The following CLPB variants were observed in gnomAD, a reference collection of about 807,000 sequenced individuals.
CLPB encodes the protein mitochondrial disaggregase.
A neutral mutation model predicts 78.4 loss-of-function variants in CLPB; 40 were observed. That is an observed-to-expected ratio of 0.51 (90% confidence interval 0.40 to 0.66). CLPB has a LOEUF of 0.66. Ranked by LOEUF, CLPB falls within the 30% of genes least tolerant of loss-of-function variation. CLPB has a pLI of 0.00. For synonymous variants in CLPB, 333 were observed against 348.0 expected (o/e 0.96, Z 0.48); for missense variants, 780 against 886.9 (o/e 0.88, Z 1.53).
Position 72,294,454 on chromosome 11 carries a change from C to A in CLPB, c.1561-10G>T, listed in dbSNP as rs1261542627. On this transcript the variant is annotated splice_polypyrimidine_tract_variant and intron_variant, in intron 13 of 15. Transcript: ENST00000538039. ...CCCTCCGGAAGTGAGCCTGAAGGGC[C>A]AGGTTAGGGGTGGGATGAGCTCAGT... 12 of 1,614,022 alleles carry A rather than the reference C, an allele frequency of 7.4e-6. No homozygotes were observed. Among genetic ancestry groups the A allele is most frequent in the Non-Finnish European group, 1.0e-5 (12 of 1,179,968 alleles).
At chr11:72,372,551 G>A (rs1253772505) in intron 4 of CLPB, among the ~76,000 whole-genome samples, 2 of 152,166 alleles carry the variant, frequency 1.3e-5, no homozygotes, top group Non-Finnish European at 2.9e-5. Context: ...TTTTTAAGCA[G>A]TTCAAGCACA....
intron 3 of CLPB, among the ~76,000 whole-genome samples, chr11:72,381,986 C>T (rs993735677): frequency 7.2e-5 from 11 of 152,166 alleles, no homozygotes; most frequent in African/African-American, 2.7e-4. Context: ...CCCAGGCTGG[C>T]CCTCATTGCC....
chr11:72,368,175 G>C (rs768137946), intron 4 of CLPB, among the ~76,000 whole-genome samples: 1 of 152,148 alleles, frequency 6.6e-6, no homozygotes, highest in Non-Finnish European at 1.5e-5. Flanking sequence ...AGAGTCACAG[G>C]TGAGTCCTGA....
chr11:72,329,646 G>C (rs536160481), intron 6 of CLPB, 61 bp downstream of exon 6: 2 of 1,072,854 alleles, frequency 1.9e-6, no homozygotes, highest in Admixed American at 3.8e-5. Context: ...ATAATTTAAT[G>C]AGTGAAGGAT....
intron 2 of CLPB, among the ~76,000 whole-genome samples, chr11:72,422,288 A>C (rs914799587): frequency 1.3e-5 from 2 of 151,346 alleles, no homozygotes; most frequent in Non-Finnish European, 2.9e-5. Context: ...AAAAAAAAAA[A>C]AAACTAGGGA....
chr11:72,294,275 T>C (rs1949507738), intron 14 of CLPB, 50 bp downstream of exon 14: 1 of 1,613,832 alleles, frequency 6.2e-7, no homozygotes, highest in Admixed American at 1.7e-5. Context: ...GTGTTCCAGA[T>C]TTCCAGTGGC....
At chr11:72,329,675 C>T (rs1375123232) in intron 6 of CLPB, 32 bp downstream of exon 6, 7 of 1,441,828 alleles carry the variant, frequency 4.9e-6, no homozygotes, top group Non-Finnish European at 6.8e-6. Context: ...GCATGGAGTA[C>T]CCACAGGCCT....
At chr11:72,334,448 G>T (rs923772924) in intron 5 of CLPB, among the ~76,000 whole-genome samples, 12 of 152,336 alleles carry the variant, frequency 7.9e-5, no homozygotes, top group Admixed American at 2.0e-4. Context: ...CATGGATAGT[G>T]TCCATCTAAT....
In CLPB at chr11:72,434,337, C is replaced by A; in HGVS notation, c.138G>T (p.Gln46His). 1 of 1,612,202 alleles carries A rather than the reference C, an allele frequency of 6.2e-7. No individual in the cohort carries two copies. Among genetic ancestry groups the A allele is most frequent in the Non-Finnish European group, 8.5e-7 (1 of 1,179,666 alleles). Reference sequence around the variant, plus strand: ...GCCCCCCGGTGGCTACCCTCAGCCACTGCGGCTCCCCGAGACTCCCAGTAG... The same window carrying A: ...GCCCCCCGGTGGCTACCCTCAGCCAATGCGGCTCCCCGAGACTCCCAGTAG... ...NVTTGSLGEPQWLRVATGGRP... is the reference protein window; with the variant it reads ...NVTTGSLGEPHWLRVATGGRP... Residue 46 changes from glutamine (Q) to histidine (H), a missense_variant, in exon 1 of 16, where the codon CAG becomes CAT. Gln to His is a conservative substitution (Grantham distance 24). This residue lies in a region of CLPB where 417 missense variants were observed against 414.7 expected (regional missense o/e 1.01). Coordinates refer to ENST00000538039, the MANE Select transcript of CLPB (RefSeq NM_001258392.3).
At chr11:72,313,534 T>G (rs1395515521) in intron 7 of CLPB, among the ~76,000 whole-genome samples, 1 of 152,202 alleles carries the variant, frequency 6.6e-6, no homozygotes, top group Non-Finnish European at 1.5e-5. Context: ...AGAGCTGGTG[T>G]GCAGTAGCTC....
chr11:72,297,632 A>G (rs1197332520), intron 11 of CLPB, among the ~76,000 whole-genome samples: 1 of 114,852 alleles, frequency 8.7e-6, no homozygotes, highest in African/African-American at 3.1e-5. Context: ...AGTTTTGGGG[A>G]CCAGGTGTGT....
At chr11:72,409,129 TAG>T (rs955748013) in intron 2 of CLPB, among the ~76,000 whole-genome samples, 4 of 152,182 alleles carry the variant, frequency 2.6e-5, no homozygotes, top group African/African-American at 9.7e-5. Context: ...GTCCAGGGGC[TAG>T]AGAGGCAGGG....
chr11:72,308,194 G>C (rs868384663), intron 8 of CLPB, among the ~76,000 whole-genome samples: 1 of 152,242 alleles, frequency 6.6e-6, no homozygotes, highest in Admixed American at 6.5e-5. Flanking sequence ...GGGCAGAGGA[G>C]GTGGTTCAAC....
At chr11:72,430,967 T>C (rs952330297) in intron 1 of CLPB, among the ~76,000 whole-genome samples, 2 of 152,006 alleles carry the variant, frequency 1.3e-5, no homozygotes, top group Admixed American at 6.6e-5. Flanking sequence ...CTGTAAAACA[T>C]AGACAAAACT....
intron 2 of CLPB, among the ~76,000 whole-genome samples, chr11:72,421,322 T>C (rs1856191357): frequency 6.6e-6 from 1 of 152,148 alleles, no homozygotes; most frequent in Admixed American, 6.5e-5. Context: ...TACTAAACTC[T>C]CTGCTCCTTA....
At chr11:72,419,180 T>C (rs545301233) in intron 2 of CLPB, among the ~76,000 whole-genome samples, 1 of 152,322 alleles carries the variant, frequency 6.6e-6, no homozygotes, top group South Asian at 2.1e-4. Flanking sequence ...TCCAGGAAAA[T>C]TCCTTGGGAG....
intron 5 of CLPB, among the ~76,000 whole-genome samples, chr11:72,341,593 C>A (rs1950421738): frequency 2.6e-5 from 4 of 152,084 alleles, no homozygotes; most frequent in Admixed American, 2.6e-4. Flanking sequence ...ATATTCCAGG[C>A]AAAGTGAATG....
intron 1 of CLPB, 86 bp downstream of exon 1, chr11:72,433,974 AAGGATCTAAACC>A (rs1379196738): frequency 4.2e-6 from 6 of 1,425,008 alleles, no homozygotes; most frequent in Non-Finnish European, 5.7e-6. Flanking sequence ...CTTAGGCTCT[AAGGATCTAAACC>A]TATAAGTACC....
At chr11:72,299,125 C>T (rs538722907) in intron 11 of CLPB, among the ~76,000 whole-genome samples, 11 of 152,304 alleles carry the variant, frequency 7.2e-5, no homozygotes, top group East Asian at 3.9e-4. Context: ...CCACTGTGTT[C>T]GCCGCCTTAG....
Sources: gnomAD v4.1 joint callset for allele counts (sites outside exome capture counted in the v4.1 genomes callset) on GRCh38, gnomAD v4.1.1 for gene constraint, gnomAD v4.1.1 regional missense constraint, MANE v1.5 for transcripts, NCBI Gene and HGNC (gene_info 2026-07-23, HGNC 2026-07-21) for gene names.